The following RNF145 variants were observed in gnomAD, a reference collection of about 807,000 sequenced individuals.
The protein encoded by RNF145 is ring finger protein 145.
RNF145 carries 12 observed loss-of-function variants against 57.3 expected under a neutral mutation model. The ratio of observed to expected loss-of-function variants is 0.21; its 90% CI spans 0.13 to 0.34. The LOEUF is 0.34. Ranked by LOEUF, RNF145 falls within the 10% of genes least tolerant of loss-of-function variation. RNF145 has a pLI of 1.00. For missense variants in RNF145, 429 were observed against 799.0 expected (o/e 0.54, Z 5.58); for synonymous variants, 262 against 288.3 (o/e 0.91, Z 0.92).
At chr5:159,204,827 A>AAG (rs147292059) in intron 1 of RNF145, among the ~76,000 whole-genome samples, 4,825 of 104,592 alleles carry the variant, frequency 0.046, 182 homozygotes, top group African/African-American at 0.098. Context: ...AAAAAAAAAA[A>AAG]GCAAACAAAA....
upstream of RNF145, chr5:159,209,634 G>T: frequency 9.4e-7 from 1 of 1,059,024 alleles, no homozygotes; most frequent in Non-Finnish European, 1.2e-6. Context: ...GCGCGCCCGC[G>T]CTCACTCACA....
At chr5:159,174,258 T>C (rs1319709512) in intron 5 of RNF145, 100 bp from the exon 6 acceptor site, 2 of 771,388 alleles carry the variant, frequency 2.6e-6, no homozygotes, top group Non-Finnish European at 4.1e-6. Context: ...ATAGCTTTTC[T>C]TTGATTGCAA....
At position 159,168,839 on chromosome 5, in the gene RNF145, G is replaced by A. The variant is rs115514582; in HGVS notation, c.1121+34C>T. ...CAAATGCATGTAAAGAATATTACAT[G>A]AGTTAATTTAAAGAATATTAAGAGG... is the stretch of plus-strand genomic sequence containing the variant. On this transcript the variant is annotated intron_variant, in intron 8 of 10. Coordinates refer to ENST00000424310, the MANE Select transcript of RNF145 (RefSeq NM_001199383.2). The A allele has an allele frequency of 1.6e-3, 2,064 of 1,329,300 alleles. 38 individuals carry two copies. The African/African-American group carries it at 0.027, about 18-fold the overall frequency. 82.3% of individuals were successfully genotyped at this position (1,329,300 alleles called of 1,614,324 possible).
intron 2 of RNF145, among the ~76,000 whole-genome samples, chr5:159,200,701 A>G (rs1288713206): frequency 6.6e-6 from 1 of 152,206 alleles, no homozygotes; most frequent in African/African-American, 2.4e-5. Flanking sequence ...CTGAGTTGAA[A>G]CTGGAAAAAC....
intron 8 of RNF145, 118 bp from the exon 9 acceptor site, chr5:159,163,197 C>A (rs1208693391): frequency 5.5e-6 from 5 of 914,432 alleles, no homozygotes; most frequent in South Asian, 5.2e-5. Context: ...CACTGAACAC[C>A]CTTCTCCATG....
chr5:159,205,796 C>T (rs1368541413), intron 1 of RNF145, among the ~76,000 whole-genome samples: 1 of 152,150 alleles, frequency 6.6e-6, no homozygotes, highest in East Asian at 1.9e-4. Flanking sequence ...ACTGATTTAA[C>T]ACTTGTAGCC....
intron 8 of RNF145, among the ~76,000 whole-genome samples, chr5:159,167,427 G>A (rs1394817178): frequency 1.3e-5 from 2 of 152,106 alleles, no homozygotes; most frequent in African/African-American, 2.4e-5. Flanking sequence ...CCAGTAGTGA[G>A]GATAGTTCAG....
At chr5:159,185,948 C>G (rs7707106) in intron 3 of RNF145, among the ~76,000 whole-genome samples, 115,913 of 152,136 alleles carry the variant, frequency 0.76, 45,087 homozygotes, top group African/African-American at 0.93. Context: ...GGGCCTCCGG[C>G]CATGGTAGCT....
intron 1 of RNF145, among the ~76,000 whole-genome samples, chr5:159,208,786 G>T (rs1345796882): frequency 6.6e-6 from 1 of 151,992 alleles, no homozygotes; most frequent in African/African-American, 2.4e-5. Flanking sequence ...GAAAGGGGCC[G>T]CTCTGGAAGG....
chr5:159,167,939 G>T (rs1399559542), intron 8 of RNF145, among the ~76,000 whole-genome samples: 1 of 152,118 alleles, frequency 6.6e-6, no homozygotes, highest in East Asian at 1.9e-4. Flanking sequence ...CCTCCCAAGA[G>T]ATTAGCTGTT....
At chr5:159,181,035 G>C (rs1229852609) in intron 4 of RNF145, among the ~76,000 whole-genome samples, 1 of 151,390 alleles carries the variant, frequency 6.6e-6, no homozygotes, top group Non-Finnish European at 1.5e-5. Context: ...CACTGCTAAA[G>C]AGCTTGTCCA....
chr5:159,178,173 T>C (rs1784776690), intron 4 of RNF145, among the ~76,000 whole-genome samples: 1 of 151,998 alleles, frequency 6.6e-6, no homozygotes, highest in African/African-American at 2.4e-5. Context: ...TATTTTCTTT[T>C]AGTAATTTTT....
At position 159,158,991 on chromosome 5, in the gene RNF145, A is replaced by G. The variant is rs114095303; in HGVS notation, c.1671T>C (p.His557=). The stretch of plus-strand genomic sequence containing the variant: ...ACAGCCATTTCTTAAGACAGCCTGC[A>G]TGGAAAAAATGACTGCAAGGCGTGA... ...AVITPCSHFF[H]AGCLKKWLYV... The change falls in exon 11 of 11, where the codon CAT becomes CAC. Residue 557 remains histidine, a synonymous_variant. Coordinates refer to ENST00000424310, the MANE Select transcript of RNF145 (RefSeq NM_001199383.2). 3.5e-5 allele frequency: 57 copies of G among 1,613,906 alleles called. No homozygotes were observed. The East Asian group carries it at 1.2e-3, about 35-fold the overall frequency.
chr5:159,163,850 C>T (rs936267939), intron 8 of RNF145, among the ~76,000 whole-genome samples: 2 of 152,200 alleles, frequency 1.3e-5, no homozygotes, highest in African/African-American at 4.8e-5. Flanking sequence ...AACACAAGCA[C>T]TCTTACGTCC....
At chr5:159,207,531 A>C in intron 1 of RNF145, 1 of 1,566,760 alleles carries the variant, frequency 6.4e-7, no homozygotes. Flanking sequence ...CCATCAACTA[A>C]AACTGATCTT....
chr5:159,202,807 G>C (rs1308508390), intron 2 of RNF145, among the ~76,000 whole-genome samples: 1 of 151,268 alleles, frequency 6.6e-6, no homozygotes, highest in Non-Finnish European at 1.5e-5. Flanking sequence ...AATTTTATCT[G>C]TTTCATGCTT....
chr5:159,188,105 A>T (rs1785146175), intron 3 of RNF145, among the ~76,000 whole-genome samples: 1 of 152,184 alleles, frequency 6.6e-6, no homozygotes, highest in African/African-American at 2.4e-5. Flanking sequence ...ACACTGGGCC[A>T]GGCACAGTGG....
At chr5:159,196,005 A>G (rs189259477) in intron 2 of RNF145, among the ~76,000 whole-genome samples, 2 of 152,244 alleles carry the variant, frequency 1.3e-5, no homozygotes, top group Admixed American at 1.3e-4. Flanking sequence ...TGAGCCTTCC[A>G]TGATAAATTC....
chr5:159,185,946 G>A (rs570970648), intron 3 of RNF145, among the ~76,000 whole-genome samples: 13 of 152,284 alleles, frequency 8.5e-5, no homozygotes, highest in African/African-American at 2.4e-4. Context: ...AAGGGCCTCC[G>A]GCCATGGTAG....
Sources: gnomAD v4.1 joint callset for allele counts (sites outside exome capture counted in the v4.1 genomes callset) on GRCh38, gnomAD v4.1.1 for gene constraint, MANE v1.5 for transcripts, NCBI Gene and HGNC (gene_info 2026-07-23, HGNC 2026-07-21) for gene names.